The following NAA16 variants were observed in gnomAD, a reference collection of about 807,000 sequenced individuals.
NAA16 encodes NARG1-like protein.
Under a neutral mutation model 110.3 loss-of-function variants are expected in NAA16, and 97 were observed. The observed-to-expected ratio is 0.88, with a 90% CI of 0.75 to 1.04. The LOEUF is 1.04. Ranked by LOEUF, NAA16 falls within the 50% of genes least tolerant of loss-of-function variation. The pLI is 0.00. For synonymous variants in NAA16, 372 were observed against 330.6 expected (o/e 1.13, Z -1.36); for missense variants, 1,017 against 1,005.1 (o/e 1.01, Z -0.16).
intron 5 of NAA16, among the ~76,000 whole-genome samples, chr13:41,323,511 C>T (rs1046120549): frequency 4.0e-5 from 6 of 151,666 alleles, no homozygotes; most frequent in South Asian, 2.1e-4. Context: ...CCACCACGCC[C>T]GGCTAATTTT....
intron 15 of NAA16, among the ~76,000 whole-genome samples, chr13:41,370,151 C>A (rs1363841493): frequency 6.6e-6 from 1 of 152,058 alleles, no homozygotes; most frequent in East Asian, 1.9e-4. Context: ...GGCCTTTGAA[C>A]AACATAGGTT....
intron 13 of NAA16, among the ~76,000 whole-genome samples, chr13:41,366,887 G>A (rs1246698975): frequency 6.6e-6 from 1 of 152,058 alleles, no homozygotes; most frequent in Non-Finnish European, 1.5e-5. Context: ...ATTCAGGGTC[G>A]CATCCCTAAT....
chr13:41,353,234 T>TG (rs1555287377), intron 9 of NAA16, among the ~76,000 whole-genome samples: 179 of 152,244 alleles, frequency 1.2e-3, no homozygotes, highest in African/African-American at 4.0e-3. Context: ...CGCAAGTTCC[T>TG]GAAAAAAAAT....
intron 13 of NAA16, chr13:41,362,944 C>T: frequency 9.1e-7 from 1 of 1,102,956 alleles, no homozygotes; most frequent in Non-Finnish European, 1.1e-6. Flanking sequence ...AGATTACCCA[C>T]AAGGAAGGCT....
Position 41,374,772 on chromosome 13 carries a change from CA to C in NAA16, c.2332del (p.Arg778GlyfsTer8). On this transcript the variant is annotated frameshift_variant, in exon 19 of 20. Transcript: ENST00000379406. LOFTEE classifies it high-confidence loss of function. ...GAKMMYFLDK[S>X]RQEKAIAIAT... ...AAAATGATGTATTTTCTGGACAAGT[CA>C]AGGCAGGAGAAAGCAATTGCTATAG... 6.2e-7 allele frequency: 1 copy of C among 1,612,474 alleles called. No homozygotes were observed.
rs1179919226 is a variant in NAA16 at position 41,320,729 on chromosome 13, T to C, written c.307T>C (p.Tyr103His). The C allele has an allele frequency of 6.2e-7, 1 of 1,613,312 alleles. No individual in the cohort carries two copies. Among genetic ancestry groups the C allele is most frequent in the Non-Finnish European group, 8.5e-7 (1 of 1,179,964 alleles). ...AAAATATGATGAAGCTATAAAATGTTACCGAAATGCCCTCAAATTAGATAA... is the reference window on the plus strand; with the variant it reads ...AAAATATGATGAAGCTATAAAATGTCACCGAAATGCCCTCAAATTAGATAA... ...DKKYDEAIKCYRNALKLDKDN... is the reference protein window; with the variant it reads ...DKKYDEAIKCHRNALKLDKDN... Residue 103 changes from tyrosine (Y) to histidine (H), a missense_variant, in exon 4 of 20, where the codon TAC becomes CAC. Transcript: ENST00000379406.
At chr13:41,337,476 G>C (rs1280196376) in intron 9 of NAA16, among the ~76,000 whole-genome samples, 2 of 149,694 alleles carry the variant, frequency 1.3e-5, no homozygotes, top group Non-Finnish European at 2.9e-5. Flanking sequence ...CTGGGAGGCA[G>C]AGCTTGAAGT....
At chr13:41,353,007 C>T (rs2139477141) in intron 9 of NAA16, among the ~76,000 whole-genome samples, 1 of 152,208 alleles carries the variant, frequency 6.6e-6, no homozygotes, top group Middle Eastern at 3.4e-3. Context: ...ATCCCAGCTG[C>T]TCAGGAGGCT....
chr13:41,362,808 T>A, intron 13 of NAA16: 1 of 1,289,620 alleles, frequency 7.8e-7, no homozygotes. Flanking sequence ...AGCCCTCAGT[T>A]GTGGGGGCAA....
chr13:41,348,630 G>C (rs2042746807), intron 9 of NAA16, among the ~76,000 whole-genome samples: 1 of 152,054 alleles, frequency 6.6e-6, no homozygotes, highest in African/African-American at 2.4e-5. Context: ...ATCAGATTTT[G>C]CTATCAGGGT....
intron 9 of NAA16, among the ~76,000 whole-genome samples, chr13:41,337,533 A>G (rs2139432680): frequency 9.2e-6 from 1 of 108,444 alleles, no homozygotes; most frequent in East Asian, 2.5e-4. Flanking sequence ...ACAGAGCGAG[A>G]CTCCGTCTCA....
At chr13:41,354,039 T>G (rs1386236803) in intron 9 of NAA16, among the ~76,000 whole-genome samples, 2 of 152,224 alleles carry the variant, frequency 1.3e-5, no homozygotes, top group Non-Finnish European at 1.5e-5. Context: ...TTTAGTGAAG[T>G]CATAGTATGT....
chr13:41,328,336 A>G (rs901376186), intron 6 of NAA16, among the ~76,000 whole-genome samples: 1 of 152,138 alleles, frequency 6.6e-6, no homozygotes, highest in African/African-American at 2.4e-5. Flanking sequence ...ATATGAACTG[A>G]TAGGAAAGAT....
Position 41,354,886 on chromosome 13 carries a change from A to ATTTTTTT in NAA16, c.1015-245_1015-239dup, listed in dbSNP as rs10671840. 1.3e-3 allele frequency among the ~76,000 whole-genome samples: 144 copies of ATTTTTTT among 112,436 alleles called. 5 individuals carry two copies. Among genetic ancestry groups the ATTTTTTT allele is most frequent in the African/African-American group, 1.3e-3 (38 of 28,570 alleles). 73.8% of individuals were successfully genotyped at this position (112,436 alleles called of 152,430 possible). A position where few individuals can be genotyped will look rare whatever the true frequency, so the allele number is the denominator to read the frequency against. ...AATGTGTCCCTTATAGGAGTGGTCC[A>ATTTTTTT]TTTTTTTTTTTTTTTTTTTGTCTTG... is the stretch of plus-strand genomic sequence containing the variant. On this transcript the variant is annotated intron_variant, in intron 9 of 19. Transcript: ENST00000379406.
intron 9 of NAA16, among the ~76,000 whole-genome samples, chr13:41,353,535 C>T (rs577984354): frequency 8.8e-4 from 131 of 149,412 alleles, no homozygotes; most frequent in Non-Finnish European, 1.6e-3. Flanking sequence ...TAGGTGGAGG[C>T]GGGAGGATTG....
intron 9 of NAA16, among the ~76,000 whole-genome samples, chr13:41,337,404 G>A (rs2042409827): frequency 2.6e-5 from 4 of 151,958 alleles, no homozygotes; most frequent in African/African-American, 7.3e-5. Flanking sequence ...TTAGCCGGGC[G>A]TGGTGGTGGG....
chr13:41,363,694 A>C (rs930165087), intron 13 of NAA16, among the ~76,000 whole-genome samples: 16 of 152,166 alleles, frequency 1.1e-4, no homozygotes, highest in African/African-American at 3.9e-4. Context: ...TTTTGAAGAA[A>C]GAAACTACAG....
At chr13:41,372,951 G>T in intron 17 of NAA16, 121 bp downstream of exon 17, 1 of 1,186,846 alleles carries the variant, frequency 8.4e-7, no homozygotes. Context: ...AAAAAGCCCT[G>T]ATTTGTATTT....
At position 41,376,046 on chromosome 13, in the gene NAA16, T is replaced by G. The variant is rs2043421753; in HGVS notation, c.*444T>G. The G allele has an allele frequency of 6.5e-6, 1 of 152,930 alleles. No homozygotes were observed. Among genetic ancestry groups the G allele is most frequent in the African/African-American group, 2.4e-5 (1 of 41,456 alleles). 9.5% of individuals were successfully genotyped at this position (152,930 alleles called of 1,614,324 possible). On this transcript the variant is annotated 3_prime_UTR_variant, in exon 20 of 20. Coordinates refer to ENST00000379406, the MANE Select transcript of NAA16 (RefSeq NM_024561.5). ...GGCTCACACCTGTAATCCCAGCACT[T>G]TGGGAGGCCCAGACTGGCGGATCAC...
Sources: gnomAD v4.1 joint callset for allele counts (sites outside exome capture counted in the v4.1 genomes callset) on GRCh38, gnomAD v4.1.1 for gene constraint, MANE v1.5 for transcripts, NCBI Gene and HGNC (gene_info 2026-07-23, HGNC 2026-07-21) for gene names.